MTAP: variants seen among roughly 807,000 people sequenced by gnomAD.
The protein encoded by MTAP is methylthioadenosine phosphorylase.
Under a neutral mutation model 33.6 loss-of-function variants are expected in MTAP, and 33 were observed. That is an observed-to-expected ratio of 0.98 (90% CI 0.74 to 1.31). MTAP has a LOEUF of 1.31. Ranked by LOEUF, MTAP falls within the 40% of genes most tolerant of loss-of-function variation. The pLI is 0.00. For missense variants in MTAP, 367 were observed against 360.0 expected, an observed-to-expected ratio of 1.02 and a Z score of -0.16; for synonymous variants, 148 against 125.7, an observed-to-expected ratio of 1.18 and a Z score of -1.19.
intron 5 of MTAP, among the ~76,000 whole-genome samples, chr9:21,849,678 C>T (rs1457329053): frequency 6.6e-6 from 1 of 152,196 alleles, no homozygotes; most frequent in Non-Finnish European, 1.5e-5. Flanking sequence ...GAGATTAGTA[C>T]CACCATTAAA....
chr9:21,871,301 T>C (rs113864364), downstream of MTAP, among the ~76,000 whole-genome samples: 19 of 152,332 alleles, frequency 1.2e-4, no homozygotes, highest in African/African-American at 4.6e-4. Flanking sequence ...TTAGCACAAC[T>C]CTTTGACCCC....
intron 5 of MTAP, among the ~76,000 whole-genome samples, chr9:21,851,819 A>G (rs575115454): frequency 1.3e-5 from 2 of 152,250 alleles, no homozygotes; most frequent in South Asian, 4.2e-4. Flanking sequence ...GAAAATTGTT[A>G]AAAGAGAGAC....
In MTAP at chr9:21,874,263, C is replaced by T. The variant is rs567024136; in HGVS notation, c.147+19393C>T. 1.6e-4 allele frequency among the ~76,000 whole-genome samples: 25 copies of T among 152,238 alleles called. No individual in the cohort carries two copies. In the South Asian group the frequency reaches 1.9e-3, roughly 11 times the overall value. ...AATCCCACTGACTGTTCACCTCCGA[C>T]GTTATTTTGAAGCATTTCTCATGTA... On this transcript the variant is annotated intron_variant, in intron 1 of 1. Transcript: ENST00000577563.
intron 1 of MTAP, among the ~76,000 whole-genome samples, chr9:21,809,274 T>G (rs1283860198): frequency 6.6e-6 from 1 of 152,112 alleles, no homozygotes; most frequent in Non-Finnish European, 1.5e-5. Flanking sequence ...TTCTGGGAAT[T>G]AGGATGTAGC....
intron 1 of MTAP, among the ~76,000 whole-genome samples, chr9:21,896,129 AT>A (rs1183253298): frequency 6.6e-6 from 1 of 152,238 alleles, no homozygotes; most frequent in Non-Finnish European, 1.5e-5. Flanking sequence ...GCTCAACTAC[AT>A]GGAAACTGAA....
chr9:21,865,716 A>G lies in MTAP; in HGVS notation c.*3702A>G. On this transcript the variant is annotated 3_prime_UTR_variant, in exon 8 of 8. Transcript: ENST00000644715. Reference sequence around the variant, plus strand: ...AGAAGCTGTTTCAGGGCCTGTTGCCAGCTATGCCTTTGAGAACCTCGGGAT... The same window carrying G: ...AGAAGCTGTTTCAGGGCCTGTTGCCGGCTATGCCTTTGAGAACCTCGGGAT... The G allele has an allele frequency of 9.6e-7, 1 of 1,037,758 alleles. No homozygotes were observed. The highest frequency in any genetic ancestry group is 1.2e-6 in the Non-Finnish European group (1 of 856,846). 64.3% of individuals were successfully genotyped at this position (1,037,758 alleles called of 1,614,324 possible).
chr9:21,803,014 AC>A lies in MTAP; in HGVS notation c.33+234del, dbSNP rs1824100013. ...CACACACACACACACACACACACAC[AC>A]ACACACACACACACACACACACCAC... On this transcript the variant is annotated intron_variant, in intron 1 of 7. Coordinates refer to ENST00000644715, the MANE Select transcript of MTAP (RefSeq NM_002451.4). The A allele has an allele frequency of 2.8e-6, 3 of 1,089,270 alleles. No homozygotes were observed. The African/African-American group carries it at 5.1e-5, about 18-fold the overall frequency. The allele number at this position is 1,089,270 out of a possible 1,614,324, so 67.5% of individuals were successfully genotyped here. A position where few individuals can be genotyped will look rare whatever the true frequency, so the allele number is the denominator to read the frequency against.
At chr9:21,913,674 C>T (rs1441992081) in intron 1 of MTAP, among the ~76,000 whole-genome samples, 1 of 152,082 alleles carries the variant, frequency 6.6e-6, no homozygotes, top group Non-Finnish European at 1.5e-5. Context: ...CCATAGAAAC[C>T]CTAGATGAAA....
At chr9:21,846,388 A>G (rs1251398117) in intron 5 of MTAP, among the ~76,000 whole-genome samples, 1 of 151,640 alleles carries the variant, frequency 6.6e-6, no homozygotes, top group African/African-American at 2.4e-5. Flanking sequence ...AATATCCAGA[A>G]TCTACAGGGA....
chr9:21,853,935 T>C (rs1247805630), intron 5 of MTAP, among the ~76,000 whole-genome samples: 1 of 152,126 alleles, frequency 6.6e-6, no homozygotes, highest in Non-Finnish European at 1.5e-5. Context: ...ATTAATAACT[T>C]GAAGATTAGA....
intron 4 of MTAP, among the ~76,000 whole-genome samples, chr9:21,831,379 C>T (rs551224734): frequency 1.5e-4 from 23 of 152,188 alleles, no homozygotes; most frequent in African/African-American, 5.1e-4. Flanking sequence ...CTCTGTTGCC[C>T]GGGGTAGAGT....
intron 1 of MTAP, among the ~76,000 whole-genome samples, chr9:21,887,314 A>G (rs1431670836): frequency 6.8e-6 from 1 of 146,470 alleles, no homozygotes; most frequent in Non-Finnish European, 1.5e-5. Flanking sequence ...TCCTGTGTCC[A>G]TGTGTTCTCA....
intron 7 of MTAP, 85 bp from the exon 8 acceptor site, chr9:21,861,891 A>G: frequency 1.1e-6 from 1 of 903,498 alleles, no homozygotes; most frequent in South Asian, 1.4e-5. Flanking sequence ...TTGATCTAGA[A>G]AATCAAAATC....
chr9:21,880,891 G>T (rs1350114266), intron 1 of MTAP, among the ~76,000 whole-genome samples: 2 of 151,656 alleles, frequency 1.3e-5, no homozygotes, highest in African/African-American at 4.8e-5. Context: ...CATTTTTTTT[G>T]CAGAAACATA....
intron 5 of MTAP, among the ~76,000 whole-genome samples, chr9:21,838,907 T>C (rs1825175629): frequency 1.3e-5 from 2 of 152,226 alleles, no homozygotes; most frequent in South Asian, 4.1e-4. Context: ...CTAAACACGT[T>C]AGTTATTCAG....
intron 5 of MTAP, among the ~76,000 whole-genome samples, chr9:21,846,248 A>T (rs1226636646): frequency 6.6e-6 from 1 of 152,214 alleles, no homozygotes; most frequent in Non-Finnish European, 1.5e-5. Flanking sequence ...ACAAAAACTA[A>T]GACAAATAGA....
At chr9:21,906,831 C>T (rs542290401) in intron 1 of MTAP, among the ~76,000 whole-genome samples, 2 of 152,128 alleles carry the variant, frequency 1.3e-5, no homozygotes, top group South Asian at 2.1e-4. Context: ...GAAACAATTA[C>T]CAGAATATAG....
intron 6 of MTAP, among the ~76,000 whole-genome samples, chr9:21,855,209 A>G (rs543337351): frequency 4.6e-5 from 7 of 152,296 alleles, no homozygotes; most frequent in Non-Finnish European, 8.8e-5. Context: ...CAAGAAGGAA[A>G]AAAATCTATT....
intron 5 of MTAP, among the ~76,000 whole-genome samples, chr9:21,841,167 C>G (rs1825233757): frequency 2.0e-5 from 3 of 152,180 alleles, no homozygotes; most frequent in Admixed American, 2.0e-4. Flanking sequence ...CCCTACCCAC[C>G]CTGGTAGCCA....
Sources: allele counts gnomAD v4.1 joint callset (sites outside exome capture counted in the v4.1 genomes callset), GRCh38; gene constraint gnomAD v4.1.1; transcripts MANE v1.5; gene names NCBI Gene and HGNC (gene_info 2026-07-23, HGNC 2026-07-21).